The following TSC22D1 variants were observed in gnomAD, a reference collection of about 807,000 sequenced individuals.
The protein encoded by TSC22D1 is TSC22 domain family member 1.
In TSC22D1, 9 loss-of-function variants were observed where a neutral mutation model predicts 74.2. That is an observed-to-expected ratio of 0.12 (90% confidence interval 0.07 to 0.21). The LOEUF is 0.21. Among genes scored for constraint, TSC22D1 ranks in the 10% least tolerant of loss-of-function variants. The pLI, the probability that TSC22D1 is intolerant of heterozygous loss-of-function variation, is 1.00. For missense variants in TSC22D1, 1,427 were observed against 1,304.7 expected (o/e 1.09, Z -1.44); for synonymous variants, 586 against 492.5 (o/e 1.19, Z -2.51).
At chr13:44,435,827 GGAA>G (rs1008511968) in intron 2 of TSC22D1, 15 of 590,530 alleles carry the variant, frequency 2.5e-5, no homozygotes, top group African/African-American at 2.1e-4. Flanking sequence ...ACCAGTCCGG[GGAA>G]GAAGACCATT....
chr13:44,498,635 T>C (rs979817322), intron 1 of TSC22D1, among the ~76,000 whole-genome samples: 1 of 152,180 alleles, frequency 6.6e-6, no homozygotes, highest in African/African-American at 2.4e-5. Flanking sequence ...CTCAAGAACC[T>C]AGCTCAGCAA....
intron 1 of TSC22D1, among the ~76,000 whole-genome samples, chr13:44,455,100 T>A (rs1326096255): frequency 3.3e-5 from 5 of 152,090 alleles, no homozygotes; most frequent in Non-Finnish European, 2.9e-5. Flanking sequence ...ATATACAGTA[T>A]GTGAGATAAG....
At chr13:44,573,083 C>T in intron 1 of TSC22D1, 80 bp downstream of exon 1, 1 of 1,502,622 alleles carries the variant, frequency 6.7e-7, no homozygotes, top group Non-Finnish European at 8.9e-7. Flanking sequence ...GTTTTAGAGT[C>T]ATTTTGTGCA....
At chr13:44,510,329 T>C (rs1566145865) in intron 1 of TSC22D1, among the ~76,000 whole-genome samples, 1 of 150,862 alleles carries the variant, frequency 6.6e-6, no homozygotes, top group Non-Finnish European at 1.5e-5. Flanking sequence ...GAGGCGGGGG[T>C]TGCAGTGAAC....
rs562959938 is a variant in TSC22D1 at position 44,535,319 on chromosome 13, T to C, written c.2912+37844A>G. On this transcript the variant is annotated intron_variant, in intron 1 of 2. Coordinates refer to ENST00000458659, the MANE Select transcript of TSC22D1 (RefSeq NM_183422.4). ...TTCACTAACATTTTTAATGCAGTAA[T>C]CTAATTACCTTAGATGTACATATTA... 3.3e-5 allele frequency among the ~76,000 whole-genome samples: 5 copies of C among 152,208 alleles called. No individual in the cohort carries two copies. The East Asian group carries it at 9.6e-4, about 29-fold the overall frequency.
chr13:44,568,389 T>TA (rs1400857712), intron 1 of TSC22D1, among the ~76,000 whole-genome samples: 2 of 152,070 alleles, frequency 1.3e-5, no homozygotes, highest in Non-Finnish European at 2.9e-5. Context: ...GATTTAGTGA[T>TA]AAATATAGAG....
intron 1 of TSC22D1, among the ~76,000 whole-genome samples, chr13:44,570,611 T>C (rs765868581): frequency 3.3e-5 from 5 of 152,230 alleles, no homozygotes; most frequent in Non-Finnish European, 7.3e-5. Context: ...TCCACATGTC[T>C]AAACATTTTA....
chr13:44,537,744 T>G, intron 1 of TSC22D1: 3 of 982,794 alleles, frequency 3.1e-6, no homozygotes, highest in Middle Eastern at 5.3e-4. Context: ...AAACTTACTT[T>G]TAAATACTAT....
rs1257928642 is a variant in TSC22D1, at chr13:44,575,817, G to A, written c.258C>T (p.Asn86=). 12 of 1,614,154 alleles carry A rather than the reference G, an allele frequency of 7.4e-6. No homozygotes were observed. Among genetic ancestry groups the A allele is most frequent in the Admixed American group, 1.7e-5 (1 of 60,032 alleles). The change falls in exon 1 of 3, where the codon AAC becomes AAT. Residue 86 remains asparagine (N), a synonymous_variant. Transcript: ENST00000458659. Reference sequence around the variant, plus strand: ...CCTGCAGCTGAGCCTGCGAAAGGAGGTTCAGGCTTTGTGGAGGCGGAGGCT... The same window carrying A: ...CCTGCAGCTGAGCCTGCGAAAGGAGATTCAGGCTTTGTGGAGGCGGAGGCT... ...GPQPPPPQSL[N]LLSQAQLQAQ...
At chr13:44,554,635 A>C (rs1882509669) in intron 1 of TSC22D1, among the ~76,000 whole-genome samples, 2 of 113,640 alleles carry the variant, frequency 1.8e-5, no homozygotes, top group Non-Finnish European at 3.8e-5. Flanking sequence ...AGGAACAAAA[A>C]AAAAAAAAAA....
intron 1 of TSC22D1, among the ~76,000 whole-genome samples, chr13:44,454,035 G>A (rs1876364560): frequency 6.6e-6 from 1 of 152,082 alleles, no homozygotes; most frequent in Non-Finnish European, 1.5e-5. Context: ...TTTTACAAAG[G>A]CCATTAAAAT....
chr13:44,530,583 A>AG (rs1880780161), intron 1 of TSC22D1, among the ~76,000 whole-genome samples: 1 of 152,082 alleles, frequency 6.6e-6, no homozygotes, highest in Non-Finnish European at 1.5e-5. Context: ...CGAGAAGACA[A>AG]GCCACAGATT....
At chr13:44,572,622 T>C (rs553347984) in intron 1 of TSC22D1, among the ~76,000 whole-genome samples, 48 of 152,318 alleles carry the variant, frequency 3.2e-4, no homozygotes, top group Non-Finnish European at 6.6e-4. Flanking sequence ...TACGCAAAAG[T>C]TGGTCAGTTG....
In TSC22D1 at chr13:44,442,900, G is replaced by A. The variant is rs1875313840; in HGVS notation, c.2913-6805C>T. On this transcript the variant is annotated intron_variant, in intron 1 of 2. Transcript: ENST00000458659. ...CTCCAGCCTGGGCCACAGAGCCACA[G>A]AGCGAGACTCTGTCAAAAAAAAAAA... 3.2e-5 allele frequency among the ~76,000 whole-genome samples: 4 copies of A among 124,926 alleles called. No homozygotes were observed. In the South Asian group the frequency reaches 1.1e-3, roughly 34 times the overall value. The allele number at this position is 124,926 out of a possible 152,430, so 82.0% of individuals were successfully genotyped here. A position where few individuals can be genotyped will look rare whatever the true frequency, so the allele number is the denominator to read the frequency against.
In TSC22D1 at chr13:44,434,029, C is replaced by A. The variant is rs566772457; in HGVS notation, c.*597G>T. The stretch of plus-strand genomic sequence containing the variant: ...GGTAAGATAGCCTAGGTCCCAGCTA[C>A]CTGTCACCATTTTGTCACTCTCATA... On this transcript the variant is annotated 3_prime_UTR_variant, in exon 3 of 3. Transcript: ENST00000458659. 1 of 1,534,402 alleles carries A rather than the reference C, an allele frequency of 6.5e-7. No individual in the cohort carries two copies. Among genetic ancestry groups the A allele is most frequent in the East Asian group, 2.4e-5 (1 of 40,898 alleles).
intron 1 of TSC22D1, among the ~76,000 whole-genome samples, chr13:44,516,155 C>T (rs767842652): frequency 3.3e-5 from 5 of 152,004 alleles, no homozygotes; most frequent in African/African-American, 9.7e-5. Flanking sequence ...GCAGTATCCC[C>T]GGAATAATAC....
chr13:44,573,591 A>C lies in TSC22D1; in HGVS notation c.2484T>G (p.Ser828Arg). The C allele has an allele frequency of 6.2e-7, 1 of 1,614,250 alleles. No homozygotes were observed. Among genetic ancestry groups the C allele is most frequent in the Non-Finnish European group, 8.5e-7 (1 of 1,180,040 alleles). ...LPAVSSLPSA[S>R]SISVTSQVSS... is the part of the protein sequence containing the mutation. ...TAACCTGACTTGTAACAGAAATACT[A>C]CTAGCAGAGGGCAAAGAACTAACTG... The change falls in exon 1 of 3, where the codon AGT (serine) becomes AGG (arginine). Residue 828 changes from serine (S) to arginine (R), a missense_variant. By Grantham distance (110) the Ser-to-Arg change is moderately radical (BLOSUM62 -1). Transcript: ENST00000458659.
Position 44,573,245 on chromosome 13 carries a change from T to C in TSC22D1, c.2830A>G (p.Ser944Gly). The C allele has an allele frequency of 1.2e-6, 2 of 1,614,240 alleles. No individual in the cohort carries two copies. The highest frequency in any genetic ancestry group is 1.6e-4 in the Middle Eastern group (1 of 6,062). ...GMSAVSDGSSSSLAASASLFP... is the reference protein window; with the variant it reads ...GMSAVSDGSSGSLAASASLFP... The stretch of plus-strand genomic sequence containing the variant: ...AGAGAAGCAGAGGCTGCTAGGCTGC[T>C]GCTACTCCCATCTGAAACTGCTGAC... Residue 944 changes from serine to glycine, a missense_variant, in exon 1 of 3, where the codon AGC (serine) becomes GGC (glycine). Transcript: ENST00000458659.
rs751323675 is a variant in TSC22D1 at position 44,573,823 on chromosome 13, G to A, written c.2252C>T (p.Pro751Leu). 5.0e-6 allele frequency: 8 copies of A among 1,614,216 alleles called. No individual in the cohort carries two copies. Among genetic ancestry groups the A allele is most frequent in the Non-Finnish European group, 6.8e-6 (8 of 1,180,030 alleles). The change falls in exon 1 of 3, where the codon CCT (proline) becomes CTT (leucine). Residue 751 changes from proline to leucine, a missense_variant. This residue lies in a region of TSC22D1 where 1,343 missense variants were observed against 1,191.5 expected (regional missense o/e 1.13). Coordinates refer to ENST00000458659, the MANE Select transcript of TSC22D1 (RefSeq NM_183422.4). The stretch of plus-strand genomic sequence containing the variant: ...AGGAGCACCCTGCTGAATAACTGAA[G>A]GTGGAACCTGGGTAGAGGGCTGCTG... ...AVQQPSTQVP[P>L]SVIQQGAPPS...
Sources: allele counts gnomAD v4.1 joint callset (sites outside exome capture counted in the v4.1 genomes callset), GRCh38; gene constraint gnomAD v4.1.1; regional missense constraint gnomAD v4.1.1; transcripts MANE v1.5; gene names NCBI Gene and HGNC (gene_info 2026-07-23, HGNC 2026-07-21).